SESN1: variants seen among roughly 807,000 people sequenced by gnomAD.
SESN1 encodes sestrin 1.
A neutral mutation model predicts 59.3 loss-of-function variants in SESN1; 30 were observed. The observed-to-expected ratio is 0.51, with a 90% CI of 0.38 to 0.69. SESN1 has a LOEUF of 0.69. Among genes scored for constraint, SESN1 ranks in the 30% least tolerant of loss-of-function variants. The pLI is 0.00. For missense variants in SESN1, 566 were observed against 673.0 expected (o/e 0.84, Z 1.76); for synonymous variants, 197 against 219.9 (o/e 0.90, Z 0.92).
Position 108,986,962 on chromosome 6 carries a change from G to C in SESN1, c.*582C>G, listed in dbSNP as rs974211411. On this transcript the variant is annotated 3_prime_UTR_variant, in exon 10 of 10. Transcript: ENST00000436639. ...TGTTACCATCAAAATGGTTGTTGCTGAGCTGTGTGAGTAGGAATTCTATGC... is the reference window on the plus strand; with the variant it reads ...TGTTACCATCAAAATGGTTGTTGCTCAGCTGTGTGAGTAGGAATTCTATGC... 5 of 152,650 alleles carry C rather than the reference G, an allele frequency of 3.3e-5. No homozygotes were observed. The highest frequency in any genetic ancestry group is 5.9e-5 in the Non-Finnish European group (4 of 68,050). The allele number at this position is 152,650 out of a possible 1,614,324, so 9.5% of individuals were successfully genotyped here.
chr6:108,990,267 A>G (rs953436071), intron 8 of SESN1, among the ~76,000 whole-genome samples: 12 of 152,350 alleles, frequency 7.9e-5, no homozygotes, highest in Admixed American at 3.3e-4. Context: ...CAGAGGGGCA[A>G]TATAAGGGTA....
At chr6:109,054,920 C>CT (rs1780604561) in intron 1 of SESN1, among the ~76,000 whole-genome samples, 1 of 152,082 alleles carries the variant, frequency 6.6e-6, no homozygotes, top group East Asian at 1.9e-4. Context: ...AAAGATCTTC[C>CT]CTAACTTAAG....
chr6:109,028,993 A>C (rs756364619), intron 1 of SESN1, among the ~76,000 whole-genome samples: 1 of 152,216 alleles, frequency 6.6e-6, no homozygotes, highest in African/African-American at 2.4e-5. Flanking sequence ...GATTTAGTCT[A>C]AATTGTTCAC....
At chr6:109,085,878 C>T (rs760345369) in intron 1 of SESN1, among the ~76,000 whole-genome samples, 2 of 152,160 alleles carry the variant, frequency 1.3e-5, no homozygotes, top group South Asian at 4.1e-4. Flanking sequence ...AAGCACGCTG[C>T]CCTCCCTGAC....
intron 1 of SESN1, among the ~76,000 whole-genome samples, chr6:109,007,857 G>A (rs1779766581): frequency 7.4e-6 from 1 of 135,458 alleles, no homozygotes; most frequent in East Asian, 2.2e-4. Context: ...TTAAGTTACT[G>A]CATTTGTAAT....
intron 1 of SESN1, among the ~76,000 whole-genome samples, chr6:109,004,133 C>A (rs551561349): frequency 6.6e-6 from 1 of 151,498 alleles, no homozygotes; most frequent in Non-Finnish European, 1.5e-5. Flanking sequence ...CTTTACCCCA[C>A]AATAAATCAG....
chr6:109,004,174 G>GA (rs1216989239), intron 1 of SESN1, among the ~76,000 whole-genome samples: 1 of 151,656 alleles, frequency 6.6e-6, no homozygotes, highest in East Asian at 1.9e-4. Context: ...TGAAAACTTA[G>GA]AAAAAAAGCA....
intron 4 of SESN1, 134 bp from the exon 5 acceptor site, chr6:108,998,889 T>C (rs1186442689): frequency 3.7e-6 from 4 of 1,086,512 alleles, no homozygotes; most frequent in East Asian, 2.7e-5. Context: ...ATTTGAAACA[T>C]GTAGAACCCA....
In SESN1 at chr6:109,069,194, G is replaced by A. The variant is rs1353332419; in HGVS notation, c.279+24601C>T. Among the ~76,000 whole-genome samples the A allele has an allele frequency of 3.9e-5, 6 of 151,954 alleles. No individual in the cohort carries two copies. The East Asian group carries it at 5.8e-4, about 15-fold the overall frequency. ...CATCGTGGCAAAATGTTAACAATAC[G>A]TGACTCTAGGTGAAGGGTATATGGC... On this transcript the variant is annotated intron_variant, in intron 1 of 9. Transcript: ENST00000436639.
At position 109,094,343 on chromosome 6, in the gene SESN1, G is replaced by C. The variant is rs1441062751; in HGVS notation, c.-270C>G. 2.2e-6 allele frequency: 1 copy of C among 463,968 alleles called. No homozygotes were observed. The highest frequency in any genetic ancestry group is 4.0e-5 in the East Asian group (1 of 25,296). The allele number at this position is 463,968 out of a possible 1,614,324, so 28.7% of individuals were successfully genotyped here. ...TTGCAACCTTGCAGCGCTGGCTTTG[G>C]TGGGCAGAGAATTTCGGGGAAGCGT... On this transcript the variant is annotated 5_prime_UTR_variant, in exon 1 of 10. Coordinates refer to ENST00000436639, the MANE Select transcript of SESN1 (RefSeq NM_014454.3).
chr6:108,989,546 T>G lies in SESN1; in HGVS notation c.1425-859A>C, dbSNP rs545815392. ...AGATATCTATAGAGATAGAGATATC[T>G]CTAGATCTAGATCTCTAGATCTAGA... On this transcript the variant is annotated intron_variant, in intron 8 of 9. Coordinates refer to ENST00000436639, the MANE Select transcript of SESN1 (RefSeq NM_014454.3). 2.9e-5 allele frequency among the ~76,000 whole-genome samples: 3 copies of G among 104,798 alleles called. No individual in the cohort carries two copies. The East Asian group carries it at 6.8e-4, about 24-fold the overall frequency. The allele number at this position is 104,798 out of a possible 152,430, so 68.8% of individuals were successfully genotyped here.
chr6:109,089,389 A>T (rs1194705383), intron 1 of SESN1, among the ~76,000 whole-genome samples: 1 of 152,244 alleles, frequency 6.6e-6, no homozygotes, highest in Non-Finnish European at 1.5e-5. Flanking sequence ...ATTCAATTCT[A>T]TTCTAAAGGG....
Position 109,000,638 on chromosome 6 carries a change from G to A in SESN1, c.582C>T (p.Asn194=). 6.2e-7 allele frequency: 1 copy of A among 1,609,468 alleles called. No homozygotes were observed. Among genetic ancestry groups the A allele is most frequent in the Non-Finnish European group, 8.5e-7 (1 of 1,177,540 alleles). The change falls in exon 4 of 10, where the codon AAC becomes AAT. Residue 194 remains asparagine, a synonymous_variant. Coordinates refer to ENST00000436639, the MANE Select transcript of SESN1 (RefSeq NM_014454.3). ...CATGAAGGAAATCATTTACATGCAGGTTCACTAAGTAGGAGCACTGATGTC... is the reference window on the plus strand; with the variant it reads ...CATGAAGGAAATCATTTACATGCAGATTCACTAAGTAGGAGCACTGATGTC... ...AARHQCSYLV[N]LHVNDFLHVG...
At position 108,993,753 on chromosome 6, in the gene SESN1, G is replaced by GT. The variant is rs143929556; in HGVS notation, c.1120+708dup. On this transcript the variant is annotated intron_variant, in intron 6 of 9. Transcript: ENST00000436639. ...CACAAATCATATAATTTTTGTTGTT[G>GT]TTTTTTTAGAGACAGGAGTCTTGCT... is the stretch of plus-strand genomic sequence containing the variant. 7.9e-3 allele frequency among the ~76,000 whole-genome samples: 1,206 copies of GT among 151,968 alleles called. 21 individuals carry two copies. Among genetic ancestry groups the GT allele is most frequent in the African/African-American group, 0.028 (1,149 of 41,430 alleles).
At chr6:109,090,368 G>C (rs1203277142) in intron 1 of SESN1, among the ~76,000 whole-genome samples, 1 of 152,120 alleles carries the variant, frequency 6.6e-6, no homozygotes, top group Non-Finnish European at 1.5e-5. Context: ...AGGGGGTTAG[G>C]GGGCCAACCC....
chr6:109,065,563 C>T (rs1168838792), intron 1 of SESN1, among the ~76,000 whole-genome samples: 1 of 151,856 alleles, frequency 6.6e-6, no homozygotes, highest in African/African-American at 2.4e-5. Flanking sequence ...TAAATAGCCT[C>T]AAATGTGTAA....
chr6:108,990,671 G>C lies in SESN1; in HGVS notation c.1398C>G (p.Asn466Lys). Residue 466 changes from asparagine (N) to lysine (K), a missense_variant, in exon 8 of 10, where the codon AAC (asparagine) becomes AAG (lysine). Transcript: ENST00000436639. The part of the protein sequence containing the change: ...DTSMLRRAIW[N>K]YIHCMFGIRY... ...TTATTCCAAACATGCAGTGAATATA[G>C]TTCCAAATTGCCCGTCTAAGCATTG... 6.2e-7 allele frequency: 1 copy of C among 1,614,038 alleles called. No homozygotes were observed. Among genetic ancestry groups the C allele is most frequent in the Non-Finnish European group, 8.5e-7 (1 of 1,179,978 alleles).
At chr6:109,009,282 G>A (rs1040710097) in intron 1 of SESN1, 5 of 1,296,446 alleles carry the variant, frequency 3.9e-6, no homozygotes, top group African/African-American at 3.1e-5. Flanking sequence ...CGTGACCTCC[G>A]TGTTGCACAG....
chr6:109,059,300 T>C (rs1780691665), intron 1 of SESN1, among the ~76,000 whole-genome samples: 1 of 152,044 alleles, frequency 6.6e-6, no homozygotes, highest in African/African-American at 2.4e-5. Flanking sequence ...AGACACAAAA[T>C]GGTGTTTCAT....
Sources: gnomAD v4.1 joint callset for allele counts (sites outside exome capture counted in the v4.1 genomes callset) on GRCh38, gnomAD v4.1.1 for gene constraint, MANE v1.5 for transcripts, NCBI Gene and HGNC (gene_info 2026-07-23, HGNC 2026-07-21) for gene names.